Variants in MMP26 observed in about 807,000 individuals in gnomAD.
The protein encoded by MMP26 is matrix metalloproteinase-26.
MMP26 carries 33 observed loss-of-function variants against 31.0 expected under a neutral mutation model. The observed-to-expected ratio is 1.06, with a 90% CI of 0.81 to 1.42. MMP26 has a LOEUF of 1.42. Ranked by LOEUF, MMP26 falls within the 40% of genes most tolerant of loss-of-function variation. The probability of loss-of-function intolerance (pLI) is 0.00; values close to 1 mark genes in which losing one functional copy is unlikely to be tolerated. For synonymous variants in MMP26, 122 were observed against 114.9 expected, an observed-to-expected ratio of 1.06 and a Z score of -0.40; for missense variants, 347 against 316.1, an observed-to-expected ratio of 1.10 and a Z score of -0.74.
chr11:4,967,354 C>T (rs1257421324), intron 2 of MMP26, among the ~76,000 whole-genome samples: 2 of 152,152 alleles, frequency 1.3e-5, no homozygotes, highest in African/African-American at 4.8e-5. Context: ...GCAAGAATCG[C>T]AATTAACTGC....
At chr11:4,706,403 T>TA (rs200194758) in intron 1 of MMP26, among the ~76,000 whole-genome samples, 6,936 of 149,068 alleles carry the variant, frequency 0.047, 536 homozygotes, top group African/African-American at 0.16. Flanking sequence ...CTACAAAAAA[T>TA]AAAAAAAAAT....
intron 2 of MMP26, among the ~76,000 whole-genome samples, chr11:4,879,764 G>C (rs1168525723): frequency 2.0e-5 from 3 of 152,146 alleles, no homozygotes; most frequent in Non-Finnish European, 4.4e-5. Context: ...AATCGGAAGG[G>C]TTCTTAGGAG....
intron 2 of MMP26, among the ~76,000 whole-genome samples, chr11:4,868,803 C>T (rs969970086): frequency 1.3e-5 from 2 of 152,180 alleles, no homozygotes; most frequent in Admixed American, 1.3e-4. Context: ...CATCACGCTA[C>T]CTGACTTCAA....
At chr11:4,755,873 C>T (rs1278063527) in intron 1 of MMP26, among the ~76,000 whole-genome samples, 4 of 151,920 alleles carry the variant, frequency 2.6e-5, no homozygotes, top group Admixed American at 2.6e-4. Context: ...AAAATACTAG[C>T]ATAAATCTTT....
Position 4,769,363 on chromosome 11 carries a change from A to T in MMP26, c.-145+2022A>T, listed in dbSNP as rs767533061. 1.2e-5 allele frequency: 19 copies of T among 1,613,912 alleles called. 1 individual carries two copies. The East Asian group carries it at 3.8e-4, about 32-fold the overall frequency. On this transcript the variant is annotated intron_variant, in intron 2 of 7. Coordinates refer to ENST00000380390, the MANE Select transcript of MMP26 (RefSeq NM_021801.5). ...TGTCTGAACATGCTAATTGAATCAC[A>T]TCTGGATGGTAACAATAGGAGTGAG...
chr11:4,936,228 A>G (rs1293635386), intron 2 of MMP26, among the ~76,000 whole-genome samples: 29 of 149,274 alleles, frequency 1.9e-4, no homozygotes, highest in African/African-American at 5.5e-4. Flanking sequence ...TGGTTGGTAA[A>G]CTATTGATTA....
intron 2 of MMP26, chr11:4,943,023 C>A (rs184652780): frequency 2.0e-5 from 3 of 153,318 alleles, no homozygotes; most frequent in East Asian, 1.9e-4. Flanking sequence ...TCTCATGTAA[C>A]TCCTATATCA....
At chr11:4,963,743 G>A (rs780464877) in intron 2 of MMP26, among the ~76,000 whole-genome samples, 1 of 152,168 alleles carries the variant, frequency 6.6e-6, no homozygotes, top group Non-Finnish European at 1.5e-5. Flanking sequence ...TGGTGTAAAA[G>A]CGTTCCTTTT....
intron 2 of MMP26, among the ~76,000 whole-genome samples, chr11:4,772,565 G>C (rs534951865): frequency 2.6e-4 from 39 of 152,248 alleles, no homozygotes; most frequent in African/African-American, 7.9e-4. Context: ...TGTTTTGCTA[G>C]TAGCTAGGGT....
intron 2 of MMP26, among the ~76,000 whole-genome samples, chr11:4,807,956 C>A (rs1005136401): frequency 2.0e-5 from 3 of 151,980 alleles, no homozygotes; most frequent in Admixed American, 2.0e-4. Flanking sequence ...AGATACGCAC[C>A]ACAACGCCCA....
At chr11:4,848,307 A>G in intron 2 of MMP26, 1 of 1,614,056 alleles carries the variant, frequency 6.2e-7, no homozygotes, top group Non-Finnish European at 8.5e-7. Flanking sequence ...CTTCATCTTG[A>G]CACTATAGAG....
intron 2 of MMP26, among the ~76,000 whole-genome samples, chr11:4,971,019 AG>A (rs1335898116): frequency 1.3e-5 from 2 of 152,224 alleles, no homozygotes; most frequent in African/African-American, 4.8e-5. Context: ...AATTCCCATT[AG>A]GAAAAGAAGA....
intron 2 of MMP26, among the ~76,000 whole-genome samples, chr11:4,881,658 T>C (rs1026711001): frequency 6.6e-6 from 1 of 152,188 alleles, no homozygotes; most frequent in African/African-American, 2.4e-5. Context: ...ATCTGAAGTT[T>C]AGTAAAAAAT....
chr11:4,818,745 C>T (rs17327907), intron 2 of MMP26, among the ~76,000 whole-genome samples: 15,124 of 152,152 alleles, frequency 0.099, 924 homozygotes, highest in Middle Eastern at 0.17. Flanking sequence ...GCTTAAAAGA[C>T]TGTTTTTCTC....
At chr11:4,780,698 A>G (rs1848846633) in intron 2 of MMP26, among the ~76,000 whole-genome samples, 1 of 152,156 alleles carries the variant, frequency 6.6e-6, no homozygotes, top group South Asian at 2.1e-4. Flanking sequence ...ATGAGCCAGA[A>G]ACTTCACCTA....
At chr11:4,709,162 A>G (rs1224518996) in intron 1 of MMP26, among the ~76,000 whole-genome samples, 1 of 152,194 alleles carries the variant, frequency 6.6e-6, no homozygotes, top group Non-Finnish European at 1.5e-5. Flanking sequence ...TGAGAAGTGA[A>G]GAAAAGCAGG....
intron 3 of MMP26, among the ~76,000 whole-genome samples, chr11:4,989,222 C>A (rs909479785): frequency 5.9e-5 from 9 of 152,070 alleles, no homozygotes; most frequent in African/African-American, 2.2e-4. Context: ...GAAGTAAATG[C>A]AAATGAAATG....
intron 1 of MMP26, among the ~76,000 whole-genome samples, chr11:4,733,730 G>A (rs1848203442): frequency 6.6e-6 from 1 of 152,166 alleles, no homozygotes; most frequent in Non-Finnish European, 1.5e-5. Context: ...TAAAATGGAT[G>A]AGAGTGGACA....
intron 2 of MMP26, among the ~76,000 whole-genome samples, chr11:4,898,870 T>TGTGTGA (rs1554889596): frequency 1.0e-4 from 15 of 144,518 alleles, no homozygotes; most frequent in African/African-American, 3.7e-4. Flanking sequence ...TGTGTGTGTG[T>TGTGTGA]GTGTGTTCTT....
Sources: gnomAD v4.1 joint callset for allele counts (sites outside exome capture counted in the v4.1 genomes callset) on GRCh38, gnomAD v4.1.1 for gene constraint, MANE v1.5 for transcripts, NCBI Gene and HGNC (gene_info 2026-07-23, HGNC 2026-07-21) for gene names.